The following CLCNKA variants were observed in gnomAD, a reference collection of about 807,000 sequenced individuals.
CLCNKA encodes the protein chloride channel protein ClC-Ka.
In CLCNKA, 66 loss-of-function variants were observed where a neutral mutation model predicts 83.3. The ratio of observed to expected loss-of-function variants is 0.79; its 90% CI spans 0.65 to 0.97. The LOEUF (loss-of-function observed/expected upper bound fraction) is 0.97. Ranked by LOEUF, CLCNKA falls within the 50% of genes least tolerant of loss-of-function variation. The probability of loss-of-function intolerance (pLI) is 0.00; values close to 1 mark genes in which losing one functional copy is unlikely to be tolerated. For synonymous variants in CLCNKA, 357 were observed against 370.4 expected (o/e 0.96, Z 0.42); for missense variants, 806 against 888.7 (o/e 0.91, Z 1.18).
rs202071756 is a variant in CLCNKA, at chr1:16,032,408, C to T, written c.1846-35C>T. 2.5e-6 allele frequency: 4 copies of T among 1,583,764 alleles called. No homozygotes were observed. In the East Asian group the frequency reaches 6.7e-5, roughly 27 times the overall value. On this transcript the variant is annotated intron_variant, in intron 17 of 19. Transcript: ENST00000331433. ...GTCTGAGAGAGGCATCCTGGGGAGG[C>T]CGGCCCTGCACCCATAACTCTTCCC...
At position 16,028,892 on chromosome 1, in the gene CLCNKA, T is replaced by C. The variant is rs142112545; in HGVS notation, c.1053+47T>C. ...TGGCAGGAGTGGGAACCCCCATTTG[T>C]TTTCCCCTTTGCATGTGTCTCACGT... On this transcript the variant is annotated intron_variant, in intron 11 of 19. Coordinates refer to ENST00000331433, the MANE Select transcript of CLCNKA (RefSeq NM_004070.4). 3.8e-4 allele frequency: 608 copies of C among 1,598,894 alleles called. 1 individual carries two copies. The highest frequency in any genetic ancestry group is 4.9e-4 in the Non-Finnish European group (574 of 1,166,832).
At chr1:16,022,909 C>T (rs2022194484) in intron 2 of CLCNKA, among the ~76,000 whole-genome samples, 190 bp downstream of exon 2, 1 of 152,230 alleles carries the variant, frequency 6.6e-6, no homozygotes, top group African/African-American at 2.4e-5. Context: ...TCAGATGGGC[C>T]AGGCATCTGC....
chr1:16,031,144 G>A (rs2124052897), intron 15 of CLCNKA, among the ~76,000 whole-genome samples: 1 of 152,334 alleles, frequency 6.6e-6, no homozygotes, highest in Non-Finnish European at 1.5e-5. Flanking sequence ...TCTGGCGCCA[G>A]AAAAGCAGAC....
In CLCNKA at chr1:16,022,693, G is replaced by A. The variant is rs373577135; in HGVS notation, c.74G>A (p.Cys25Tyr). ...PVTLQELWGP[C>Y]PHIRRAIQGG... ...ACTCTGCAGGAGCTGTGGGGCCCCT[G>A]TCCCCACATCCGCCGAGCCATCCAA... Residue 25 changes from cysteine (C) to tyrosine (Y), a missense_variant, in exon 2 of 20, where the codon TGT (cysteine) becomes TAT (tyrosine). Cys to Tyr is a radical substitution (Grantham distance 194, BLOSUM62 -2). Coordinates refer to ENST00000331433, the MANE Select transcript of CLCNKA (RefSeq NM_004070.4). The A allele has an allele frequency of 1.4e-4, 221 of 1,551,052 alleles. No individual in the cohort carries two copies. The highest frequency in any genetic ancestry group is 1.8e-4 in the Non-Finnish European group (205 of 1,147,734).
At chr1:16,029,638 C>A in intron 12 of CLCNKA, 93 bp from the exon 13 acceptor site, 1 of 1,493,564 alleles carries the variant, frequency 6.7e-7, no homozygotes, top group Non-Finnish European at 9.3e-7. Flanking sequence ...CTCTTTCTAT[C>A]TAGGACACTC....
chr1:16,028,338 C>T (rs61772365), intron 10 of CLCNKA, among the ~76,000 whole-genome samples: 1 of 151,372 alleles, frequency 6.6e-6, no homozygotes, highest in Non-Finnish European at 1.5e-5. Flanking sequence ...CTTCATTCTA[C>T]AATCTCTCAG....
chr1:16,032,559 C>G, intron 18 of CLCNKA, 33 bp downstream of exon 18: 2 of 1,504,032 alleles, frequency 1.3e-6, no homozygotes, highest in East Asian at 2.3e-5. Flanking sequence ...ACACACGCAG[C>G]CCCCGGGGCA....
intron 3 of CLCNKA, 64 bp downstream of exon 3, chr1:16,023,992 A>G (rs2022242680): frequency 1.2e-6 from 2 of 1,602,210 alleles, no homozygotes; most frequent in South Asian, 2.2e-5. Context: ...TGGGGATACC[A>G]GATGGGCCAC....
At position 16,026,202 on chromosome 1, in the gene CLCNKA, C is replaced by G; in HGVS notation, c.453C>G (p.Leu151=). 1 of 1,613,916 alleles carries G rather than the reference C, an allele frequency of 6.2e-7. No individual in the cohort carries two copies. The highest frequency in any genetic ancestry group is 8.5e-7 in the Non-Finnish European group (1 of 1,180,024). The change falls in exon 5 of 20, where the codon CTC becomes CTG. Residue 151 remains leucine (L), a synonymous_variant. Coordinates refer to ENST00000331433, the MANE Select transcript of CLCNKA (RefSeq NM_004070.4). ...ACTTTGGGGCCAAGGTGGTGGGCCTCTCCTGCACCCTGGCCACCGGCAGCA... is the reference window on the plus strand; with the variant it reads ...ACTTTGGGGCCAAGGTGGTGGGCCTGTCCTGCACCCTGGCCACCGGCAGCA... ...IKNFGAKVVG[L]SCTLATGSTL...
chr1:16,027,789 C>G, intron 8 of CLCNKA, 32 bp from the exon 9 acceptor site: 1 of 1,583,346 alleles, frequency 6.3e-7, no homozygotes, highest in East Asian at 2.3e-5. Context: ...GTGGGAGCGC[C>G]ATCTTGGCTC....
At chr1:16,028,887 A>G in intron 11 of CLCNKA, 42 bp downstream of exon 11, 1 of 1,599,600 alleles carries the variant, frequency 6.3e-7, no homozygotes, top group Non-Finnish European at 8.6e-7. Context: ...GGGAACCCCC[A>G]TTTGTTTTCC....
intron 15 of CLCNKA, 117 bp from the exon 16 acceptor site, chr1:16,031,593 G>T: frequency 6.8e-7 from 1 of 1,467,204 alleles, no homozygotes; most frequent in Non-Finnish European, 9.4e-7. Flanking sequence ...CTCCAGCCCT[G>T]CTCACACTCC....
Position 16,026,591 on chromosome 1 carries a change from C to T in CLCNKA, c.554C>T (p.Thr185Ile), listed in dbSNP as rs1457082593. The change falls in exon 6 of 20, where the codon ACC (threonine) becomes ATC (isoleucine). Residue 185 changes from threonine (T) to isoleucine (I), a missense_variant. Physicochemically the swap from Thr to Ile is moderately conservative, Grantham distance 89. Coordinates refer to ENST00000331433, the MANE Select transcript of CLCNKA (RefSeq NM_004070.4). Reference sequence around the variant, plus strand: ...GCTGCCTACCTGGGCCGTGTGCGCACCACGACCATCGGGGAGCCTGAGGTT... The same window carrying T: ...GCTGCCTACCTGGGCCGTGTGCGCATCACGACCATCGGGGAGCCTGAGGTT... ...MIAAYLGRVR[T>I]TTIGEPENKS... The T allele has an allele frequency of 1.2e-6, 2 of 1,613,944 alleles. No homozygotes were observed. The highest frequency in any genetic ancestry group is 1.7e-6 in the Non-Finnish European group (2 of 1,180,028).
intron 14 of CLCNKA, 58 bp from the exon 15 acceptor site, chr1:16,030,403 C>T (rs1312458643): frequency 6.3e-7 from 1 of 1,596,852 alleles, no homozygotes; most frequent in African/African-American, 1.3e-5. Context: ...TATTCCCTCA[C>T]ATCAGGCTGG....
chr1:16,028,716 G>A (rs1165951905), intron 10 of CLCNKA, 45 bp from the exon 11 acceptor site: 8 of 1,606,786 alleles, frequency 5.0e-6, no homozygotes, highest in Non-Finnish European at 6.8e-6. Flanking sequence ...TCCTCGGGAT[G>A]TAGGAAAGGG....
Position 16,031,964 on chromosome 1 carries a change from C to T in CLCNKA, c.1756+121C>T, listed in dbSNP as rs184327934. The T allele has an allele frequency of 6.8e-4, 1,044 of 1,541,374 alleles. 1 individual carries two copies. Among genetic ancestry groups the T allele is most frequent in the Non-Finnish European group, 9.0e-4 (1,014 of 1,129,736 alleles). ...TGTGACTTAGCAACCAACCGTGTGA[C>T]CTTGAGCAAGTCACTTCACCTGAGC... On this transcript the variant is annotated intron_variant, in intron 16 of 19. Transcript: ENST00000331433.
At position 16,022,351 on chromosome 1, in the gene CLCNKA, G is replaced by A. The variant is rs372159720; in HGVS notation, c.-7-262G>A. Among the ~76,000 whole-genome samples the A allele has an allele frequency of 5.3e-5, 8 of 152,228 alleles. No individual in the cohort carries two copies. The East Asian group carries it at 5.8e-4, about 11-fold the overall frequency. On this transcript the variant is annotated intron_variant, in intron 1 of 19. Transcript: ENST00000331433. The stretch of plus-strand genomic sequence containing the variant: ...AGCACCAAGCGACCCAGGAGGGTGG[G>A]AGCGGTGTCCACAGTCTGCTGCTGG...
chr1:16,022,555 G>C (rs2022173384), intron 1 of CLCNKA, 58 bp from the exon 2 acceptor site: 3 of 1,296,126 alleles, frequency 2.3e-6, no homozygotes, highest in Non-Finnish European at 2.1e-6. Context: ...AGGGCCCAGA[G>C]GCAGCGCGAG....
chr1:16,031,174 C>G (rs867697403), intron 15 of CLCNKA, among the ~76,000 whole-genome samples: 1 of 152,184 alleles, frequency 6.6e-6, no homozygotes, highest in Non-Finnish European at 1.5e-5. Context: ...TCTGAGAGTC[C>G]GAATCGGAGG....
Sources: gnomAD v4.1 joint callset for allele counts (sites outside exome capture counted in the v4.1 genomes callset) on GRCh38, gnomAD v4.1.1 for gene constraint, MANE v1.5 for transcripts, NCBI Gene and HGNC (gene_info 2026-07-23, HGNC 2026-07-21) for gene names.